TNKS: variants seen among roughly 807,000 people sequenced by gnomAD.
TNKS encodes the protein poly [ADP-ribose] polymerase tankyrase-1.
TNKS carries 72 observed loss-of-function variants against 135.8 expected under a neutral mutation model. The observed-to-expected ratio is 0.53, with a 90% CI of 0.44 to 0.64. The LOEUF (loss-of-function observed/expected upper bound fraction) is 0.64, where lower values mean the gene tolerates loss of function less well. Ranked by LOEUF, TNKS falls within the 30% of genes least tolerant of loss-of-function variation. The pLI, the probability that TNKS is intolerant of heterozygous loss-of-function variation, is 0.00. For synonymous variants in TNKS, 849 were observed against 649.3 expected (o/e 1.31, Z -4.68); for missense variants, 1,769 against 1,674.0 (o/e 1.06, Z -0.99).
At chr8:9,673,832 C>A (rs1026702038) in intron 3 of TNKS, among the ~76,000 whole-genome samples, 7 of 152,056 alleles carry the variant, frequency 4.6e-5, no homozygotes, top group African/African-American at 1.4e-4. Flanking sequence ...ATAATAACTT[C>A]GTAGTTTGTC....
chr8:9,742,603 A>G (rs1026925051), intron 17 of TNKS, among the ~76,000 whole-genome samples: 1 of 151,678 alleles, frequency 6.6e-6, no homozygotes, highest in South Asian at 2.1e-4. Flanking sequence ...CACTTCTGCA[A>G]TCTCAGCACG....
At position 9,712,372 on chromosome 8, in the gene TNKS, C is replaced by T. The variant is rs557348357; in HGVS notation, c.1749+2152C>T. ...GTGTGCACCTATAGTCCTAGCGACTCGGGAGGCTGAGGCAGGAAGATCACT... is the reference window on the plus strand; with the variant it reads ...GTGTGCACCTATAGTCCTAGCGACTTGGGAGGCTGAGGCAGGAAGATCACT... On this transcript the variant is annotated intron_variant, in intron 11 of 26. Coordinates refer to ENST00000310430, the MANE Select transcript of TNKS (RefSeq NM_003747.3). Among the ~76,000 whole-genome samples the T allele has an allele frequency of 9.9e-5, 15 of 151,848 alleles. No homozygotes were observed. In the South Asian group the frequency reaches 2.9e-3, roughly 30 times the overall value.
intron 8 of TNKS, among the ~76,000 whole-genome samples, chr8:9,707,227 CCTT>C (rs1487675618): frequency 8.5e-5 from 13 of 152,134 alleles, no homozygotes; most frequent in African/African-American, 3.1e-4. Flanking sequence ...TGTTGAAGCT[CCTT>C]TTTTGGTTTT....
At chr8:9,746,379 A>C (rs1357304450) in intron 17 of TNKS, among the ~76,000 whole-genome samples, 1 of 152,214 alleles carries the variant, frequency 6.6e-6, no homozygotes, top group African/African-American at 2.4e-5. Flanking sequence ...TTTGGGAAGA[A>C]GCTGAAGCCT....
intron 3 of TNKS, among the ~76,000 whole-genome samples, chr8:9,623,019 T>G (rs533902211): frequency 6.6e-6 from 1 of 152,356 alleles, no homozygotes; most frequent in South Asian, 2.1e-4. Flanking sequence ...AGAACAGTTA[T>G]AATGATGAAC....
intron 2 of TNKS, among the ~76,000 whole-genome samples, chr8:9,585,491 A>G (rs1798340560): frequency 6.6e-6 from 1 of 152,210 alleles, no homozygotes; most frequent in Non-Finnish European, 1.5e-5. Flanking sequence ...AGTAAGATGT[A>G]TATTGCACTT....
intron 1 of TNKS, among the ~76,000 whole-genome samples, chr8:9,566,895 A>G (rs1797566525): frequency 6.6e-6 from 1 of 152,168 alleles, no homozygotes; most frequent in Non-Finnish European, 1.5e-5. Context: ...GGCGTGAGCC[A>G]CCGCGCCCGG....
In TNKS at chr8:9,556,070, C is replaced by T. The variant is rs746507613; in HGVS notation, c.131C>T (p.Thr44Ile). ...PLSPGLAPGT[T>I]PASPTASGLA... ...AGCCCTGGCCTGGCCCCGGGGACCA[C>T]CCCAGCCTCTCCCACGGCCAGCGGC... The change falls in exon 1 of 27, where the codon ACC becomes ATC. Residue 44 changes from threonine (T) to isoleucine (I), a missense_variant. Coordinates refer to ENST00000310430, the MANE Select transcript of TNKS (RefSeq NM_003747.3). 7.5e-6 allele frequency: 12 copies of T among 1,606,824 alleles called. No individual in the cohort carries two copies. Among genetic ancestry groups the T allele is most frequent in the South Asian group, 1.1e-5 (1 of 90,612 alleles).
At chr8:9,742,404 C>G (rs1213999367) in intron 17 of TNKS, among the ~76,000 whole-genome samples, 2 of 150,688 alleles carry the variant, frequency 1.3e-5, no homozygotes, top group East Asian at 2.0e-4. Flanking sequence ...CCTCAGCAAT[C>G]TCGCATGACA....
At chr8:9,754,253 A>G (rs932276808) in intron 20 of TNKS, among the ~76,000 whole-genome samples, 3 of 152,178 alleles carry the variant, frequency 2.0e-5, no homozygotes, top group African/African-American at 7.2e-5. Flanking sequence ...ATGGCCCTAG[A>G]TATCTTTTTA....
chr8:9,577,858 A>G (rs1798012908), intron 1 of TNKS, among the ~76,000 whole-genome samples: 1 of 152,202 alleles, frequency 6.6e-6, no homozygotes, highest in Non-Finnish European at 1.5e-5. Context: ...AGTTCAAAGC[A>G]AAGCAAGTCC....
At chr8:9,716,567 A>G (rs565959630) in intron 11 of TNKS, among the ~76,000 whole-genome samples, 14 of 152,288 alleles carry the variant, frequency 9.2e-5, no homozygotes, top group African/African-American at 3.1e-4. Context: ...TCCCAGAAAT[A>G]TGTGTAAGAA....
chr8:9,736,539 A>G (rs1005800832), intron 17 of TNKS, among the ~76,000 whole-genome samples: 3 of 148,516 alleles, frequency 2.0e-5, no homozygotes, highest in African/African-American at 7.5e-5. Context: ...TTTTAGGTTT[A>G]ACGTTTAAAT....
intron 2 of TNKS, among the ~76,000 whole-genome samples, chr8:9,603,147 GT>G (rs1374541690): frequency 2.0e-5 from 3 of 151,986 alleles, no homozygotes; most frequent in African/African-American, 7.3e-5. Flanking sequence ...CCATCTCCCA[GT>G]TTCAGGCCAT....
intron 5 of TNKS, among the ~76,000 whole-genome samples, chr8:9,690,181 G>A (rs1803198013): frequency 6.6e-6 from 1 of 152,134 alleles, no homozygotes; most frequent in African/African-American, 2.4e-5. Context: ...AATCTTGTGA[G>A]AGCATGCTAG....
chr8:9,685,456 G>A (rs888358298), intron 5 of TNKS, among the ~76,000 whole-genome samples: 1 of 152,134 alleles, frequency 6.6e-6, no homozygotes, highest in Non-Finnish European at 1.5e-5. Flanking sequence ...TAGAAAATTA[G>A]ATTCCTACTC....
intron 26 of TNKS, 55 bp from the exon 27 acceptor site, chr8:9,776,595 C>G: frequency 6.5e-7 from 1 of 1,539,672 alleles, no homozygotes; most frequent in Non-Finnish European, 9.0e-7. Flanking sequence ...TTCGGCAAGG[C>G]TTTAATATTG....
intron 5 of TNKS, among the ~76,000 whole-genome samples, chr8:9,690,066 A>T (rs906399332): frequency 1.3e-5 from 2 of 152,232 alleles, no homozygotes; most frequent in Non-Finnish European, 2.9e-5. Flanking sequence ...TCAGACCAAG[A>T]AACCTTTGAT....
chr8:9,613,915 C>G (rs1272544763), intron 2 of TNKS, among the ~76,000 whole-genome samples: 1 of 152,184 alleles, frequency 6.6e-6, no homozygotes, highest in African/African-American at 2.4e-5. Context: ...CTGTCAAACT[C>G]AGATAAAAAT....
Sources: allele counts gnomAD v4.1 joint callset (sites outside exome capture counted in the v4.1 genomes callset), GRCh38; gene constraint gnomAD v4.1.1; transcripts MANE v1.5; gene names NCBI Gene and HGNC (gene_info 2026-07-23, HGNC 2026-07-21).